Variants in ADSS2 observed in about 807,000 individuals in gnomAD.
The protein encoded by ADSS2 is adenylosuccinate synthase 2.
In ADSS2, 30 loss-of-function variants were observed where a neutral mutation model predicts 60.0. The observed-to-expected ratio is 0.50, with a 90% CI of 0.37 to 0.68. ADSS2 has a LOEUF of 0.68. Among genes scored for constraint, ADSS2 ranks in the 30% least tolerant of loss-of-function variants. The pLI is 0.00. For synonymous variants in ADSS2, 187 were observed against 193.1 expected (o/e 0.97, Z 0.26); for missense variants, 373 against 554.8 (o/e 0.67, Z 3.29).
At position 244,428,686 on chromosome 1, in the gene ADSS2, A is replaced by G. The variant is rs532607180; in HGVS notation, c.406+3859T>C. ...TAGAGAAAATGGTTATTTTTTGGGG[A>G]AAAAAAAATCAAAAACCCACAAAAT... On this transcript the variant is annotated intron_variant, in intron 4 of 12. Coordinates refer to ENST00000366535, the MANE Select transcript of ADSS2 (RefSeq NM_001126.5). 3.3e-5 allele frequency among the ~76,000 whole-genome samples: 5 copies of G among 151,550 alleles called. No homozygotes were observed. In the East Asian group the frequency reaches 7.7e-4, roughly 23 times the overall value.
chr1:244,441,337 C>T (rs1184954576), intron 1 of ADSS2, among the ~76,000 whole-genome samples: 2 of 152,224 alleles, frequency 1.3e-5, no homozygotes, highest in African/African-American at 2.4e-5. Context: ...GGATTACAGG[C>T]GTGAGCCACT....
chr1:244,423,897 T>C, intron 6 of ADSS2, 56 bp downstream of exon 6: 1 of 1,447,126 alleles, frequency 6.9e-7, no homozygotes, highest in South Asian at 1.2e-5. Context: ...CCCTAGATTT[T>C]AAAAAAAATC....
chr1:244,449,595 A>G (rs1487354259), intron 1 of ADSS2, among the ~76,000 whole-genome samples: 1 of 152,246 alleles, frequency 6.6e-6, no homozygotes, highest in Non-Finnish European at 1.5e-5. Context: ...TTACCAAGGT[A>G]AATCACAAAA....
intron 9 of ADSS2, 33 bp downstream of exon 9, chr1:244,418,727 T>C (rs772593345): frequency 6.5e-7 from 1 of 1,540,592 alleles, no homozygotes; most frequent in Non-Finnish European, 8.7e-7. Context: ...GAATTTTTAA[T>C]ACATTTTGAT....
In ADSS2 at chr1:244,436,874, A is replaced by G; in HGVS notation, c.306T>C (p.His102=). 6.2e-7 allele frequency: 1 copy of G among 1,612,078 alleles called. No homozygotes were observed. Among genetic ancestry groups the G allele is most frequent in the Non-Finnish European group, 8.5e-7 (1 of 1,179,086 alleles). ...CTGCTTCTTCAAACAATCCAGGTAG[A>G]TGAATTACCACACCATTTCCTAAAG... ...TAFIGNGVVI[H]LPGLFEEAEK... The change falls in exon 3 of 13, where the codon CAT becomes CAC. Residue 102 remains histidine, a synonymous_variant. Coordinates refer to ENST00000366535, the MANE Select transcript of ADSS2 (RefSeq NM_001126.5).
At chr1:244,425,075 C>G (rs1032286995) in intron 4 of ADSS2, among the ~76,000 whole-genome samples, 4 of 152,150 alleles carry the variant, frequency 2.6e-5, no homozygotes, top group African/African-American at 9.7e-5. Context: ...CTTTCTACAC[C>G]TACACATAAC....
chr1:244,420,075 GT>G, intron 8 of ADSS2, 94 bp downstream of exon 8: 2 of 1,300,374 alleles, frequency 1.5e-6, no homozygotes, highest in Non-Finnish European at 2.1e-6. Context: ...TAAAAACATT[GT>G]TTTAAAACTC....
chr1:244,414,129 C>T (rs1415457795), intron 11 of ADSS2, among the ~76,000 whole-genome samples: 1 of 152,100 alleles, frequency 6.6e-6, no homozygotes, highest in African/African-American at 2.4e-5. Context: ...AGGATCAACA[C>T]TATTCAGAGG....
rs1665630512 is a variant in ADSS2, at chr1:244,451,890, G to A, written c.-73C>T. On this transcript the variant is annotated 5_prime_UTR_variant, in exon 1 of 13. Coordinates refer to ENST00000366535, the MANE Select transcript of ADSS2 (RefSeq NM_001126.5). The surrounding 1 kb of genome is among the most constrained non-coding windows in gnomAD (Gnocchi z 6.6). The stretch of plus-strand genomic sequence containing the variant: ...AGTGAGCGAACTGAACTGCTCTGCG[G>A]CCGCCAGCCACATGCAGAGGAAGAA... 4 of 1,388,928 alleles carry A rather than the reference G, an allele frequency of 2.9e-6. No individual in the cohort carries two copies. The highest frequency in any genetic ancestry group is 3.0e-5 in the South Asian group (2 of 67,462). The allele number at this position is 1,388,928 out of a possible 1,614,324, so 86.0% of individuals were successfully genotyped here. A position where few individuals can be genotyped will look rare whatever the true frequency, so the allele number is the denominator to read the frequency against.
chr1:244,423,856 TTAAC>T, intron 6 of ADSS2, 93 bp downstream of exon 6: 4 of 889,396 alleles, frequency 4.5e-6, no homozygotes. Flanking sequence ...CCACCACTAT[TTAAC>T]TAGAATACCG....
At chr1:244,441,569 T>C (rs1473397699) in intron 1 of ADSS2, among the ~76,000 whole-genome samples, 1 of 152,154 alleles carries the variant, frequency 6.6e-6, no homozygotes, top group Non-Finnish European at 1.5e-5. Context: ...CTTGAATTCC[T>C]GGGCTCAAGC....
At chr1:244,450,689 G>A (rs1355397973) in intron 1 of ADSS2, among the ~76,000 whole-genome samples, 1 of 152,166 alleles carries the variant, frequency 6.6e-6, no homozygotes, top group East Asian at 1.9e-4. Context: ...TTTTGAAACT[G>A]GAGAGAGTTA....
At chr1:244,420,791 T>C (rs1664655646) in intron 7 of ADSS2, among the ~76,000 whole-genome samples, 1 of 152,132 alleles carries the variant, frequency 6.6e-6, no homozygotes, top group Non-Finnish European at 1.5e-5. Context: ...ACTTGCAGCC[T>C]CGACCTCCCA....
chr1:244,439,782 C>G (rs1287783216), intron 1 of ADSS2, among the ~76,000 whole-genome samples: 2 of 152,116 alleles, frequency 1.3e-5, no homozygotes, highest in African/African-American at 2.4e-5. Context: ...GACCCCAGAG[C>G]ACTTTAGCCT....
intron 7 of ADSS2, 32 bp from the exon 8 acceptor site, chr1:244,420,328 T>A: frequency 6.3e-7 from 1 of 1,575,244 alleles, no homozygotes; most frequent in Non-Finnish European, 8.6e-7. Context: ...AATTTCCATG[T>A]ATACTAATAA....
intron 1 of ADSS2, among the ~76,000 whole-genome samples, chr1:244,439,995 C>T (rs1429012041): frequency 6.6e-6 from 1 of 152,230 alleles, no homozygotes; most frequent in Non-Finnish European, 1.5e-5. Flanking sequence ...CACACAGATT[C>T]TCTCTCAGCG....
intron 3 of ADSS2, among the ~76,000 whole-genome samples, chr1:244,432,969 G>C (rs867968530): frequency 4.3e-4 from 65 of 152,218 alleles, no homozygotes; most frequent in African/African-American, 1.6e-3. Flanking sequence ...AGGCGTGGTG[G>C]CTAACACCTG....
At chr1:244,434,963 T>C (rs1665047546) in intron 3 of ADSS2, among the ~76,000 whole-genome samples, 2 of 151,836 alleles carry the variant, frequency 1.3e-5, no homozygotes, top group South Asian at 4.2e-4. Context: ...AGTCAGGAGT[T>C]TGAGACCATC....
Position 244,420,656 on chromosome 1 carries a change from G to A in ADSS2, c.664-360C>T, listed in dbSNP as rs561298729. 5.3e-5 allele frequency among the ~76,000 whole-genome samples: 8 copies of A among 152,210 alleles called. No individual in the cohort carries two copies. The South Asian group carries it at 1.7e-3, about 32-fold the overall frequency. On this transcript the variant is annotated intron_variant, in intron 7 of 12. Transcript: ENST00000366535. ...TACAATGTGCTTTTAAATTTTGTGA[G>A]GTATTTGAAAAGCTGCATTTATAAT... is the stretch of plus-strand genomic sequence containing the variant.
Sources: allele counts gnomAD v4.1 joint callset (sites outside exome capture counted in the v4.1 genomes callset), GRCh38; gene constraint gnomAD v4.1.1; non-coding constraint Gnocchi (gnomAD v3.1); transcripts MANE v1.5; gene names NCBI Gene and HGNC (gene_info 2026-07-23, HGNC 2026-07-21).